ENTPD1: variants seen among roughly 807,000 people sequenced by gnomAD.
ENTPD1 encodes ATP diphosphohydrolase.
Under a neutral mutation model 57.0 loss-of-function variants are expected in ENTPD1, and 33 were observed. The ratio of observed to expected loss-of-function variants is 0.58; its 90% CI spans 0.44 to 0.77. The LOEUF is 0.77. Among genes scored for constraint, ENTPD1 ranks in the 30% least tolerant of loss-of-function variants. The pLI, the probability that ENTPD1 is intolerant of heterozygous loss-of-function variation, is 0.00. For synonymous variants in ENTPD1, 202 were observed against 218.8 expected (o/e 0.92, Z 0.68); for missense variants, 501 against 603.4 (o/e 0.83, Z 1.78).
chr10:95,780,402 C>A (rs6584026), intron 1 of ENTPD1, among the ~76,000 whole-genome samples: 1 of 152,032 alleles, frequency 6.6e-6, no homozygotes, highest in Non-Finnish European at 1.5e-5. Context: ...TGCACACATG[C>A]GTATTGAATG....
At position 95,867,614 on chromosome 10, in the gene ENTPD1, G is replaced by C. The variant is rs2098475901; in HGVS notation, c.*1231G>C. On this transcript the variant is annotated 3_prime_UTR_variant, in exon 10 of 10. Transcript: ENST00000371205. The stretch of plus-strand genomic sequence containing the variant: ...CCGTCACACAACATGGGCTTTGTTT[G>C]CTTATTCCATGAAGCAGCAGCTATA... 1.0e-5 allele frequency: 10 copies of C among 985,304 alleles called. No homozygotes were observed. Among genetic ancestry groups the C allele is most frequent in the Non-Finnish European group, 1.2e-5 (10 of 829,932 alleles). The allele number at this position is 985,304 out of a possible 1,614,324, so 61.0% of individuals were successfully genotyped here.
chr10:95,709,460 T>C (rs2097963848), upstream of ENTPD1, among the ~76,000 whole-genome samples: 1 of 152,096 alleles, frequency 6.6e-6, no homozygotes, highest in South Asian at 2.1e-4. Flanking sequence ...CTCGGCTCAC[T>C]GCAACCTCCA....
At chr10:95,787,185 G>T (rs2098183384) in intron 1 of ENTPD1, among the ~76,000 whole-genome samples, 1 of 152,302 alleles carries the variant, frequency 6.6e-6, no homozygotes, top group South Asian at 2.1e-4. Flanking sequence ...TCCAGGAAAA[G>T]AGTTGAGGGA....
intron 1 of ENTPD1, chr10:95,785,210 A>G (rs1011833844): frequency 6.6e-6 from 1 of 152,158 alleles, no homozygotes; most frequent in African/African-American, 2.4e-5. Context: ...CTTGCATTCA[A>G]GGGCATCTCT....
rs751980010 is a variant in ENTPD1, at chr10:95,823,260, T to C, written c.40T>C (p.Ser14Pro). The C allele has an allele frequency of 2.5e-6, 4 of 1,614,188 alleles. No individual in the cohort carries two copies. Among genetic ancestry groups the C allele is most frequent in the Non-Finnish European group, 3.4e-6 (4 of 1,180,004 alleles). The change falls in exon 2 of 10, where the codon TCC (serine) becomes CCC (proline). Residue 14 changes from serine (S) to proline (P), a missense_variant. Coordinates refer to ENST00000371205, the MANE Select transcript of ENTPD1 (RefSeq NM_001776.6). The stretch of plus-strand genomic sequence containing the variant: ...AGAGTCTAACGTGAAGACATTTTGC[T>C]CCAAGAATATCCTAGCCATCCTTGG... ...TKESNVKTFC[S>P]KNILAILGFS...
rs117779870 is a variant in ENTPD1 at position 95,764,637 on chromosome 10, A to G, written c.16+8382A>G. Among the ~76,000 whole-genome samples the G allele has an allele frequency of 1.6e-3, 244 of 150,750 alleles. 7 individuals are homozygous for G. The East Asian group carries it at 0.043, about 27-fold the overall frequency. On this transcript the variant is annotated intron_variant, in intron 1 of 9. Coordinates refer to ENST00000371205, the MANE Select transcript of ENTPD1 (RefSeq NM_001776.6). ...TTGATTTGTATTTCCCTGATGGCTGATGGTTTTGAAAATCTATTCATGTGT... is the reference window on the plus strand; with the variant it reads ...TTGATTTGTATTTCCCTGATGGCTGGTGGTTTTGAAAATCTATTCATGTGT...
intron 1 of ENTPD1, among the ~76,000 whole-genome samples, chr10:95,719,266 A>C (rs966720875): frequency 1.3e-5 from 2 of 152,174 alleles, no homozygotes; most frequent in African/African-American, 4.8e-5. Flanking sequence ...TGTGACATAT[A>C]AAGAAAAGTC....
intron 9 of ENTPD1, 38 bp downstream of exon 9, chr10:95,864,899 G>C: frequency 6.2e-7 from 1 of 1,608,656 alleles, no homozygotes; most frequent in Non-Finnish European, 8.5e-7. Context: ...GGAGGTTGGG[G>C]TTCGGTGGTA....
intron 1 of ENTPD1, among the ~76,000 whole-genome samples, chr10:95,726,247 T>A (rs913751470): frequency 6.6e-6 from 1 of 152,240 alleles, no homozygotes; most frequent in African/African-American, 2.4e-5. Context: ...TGTTCATAAA[T>A]ATATCATCTA....
At chr10:95,731,892 G>T (rs1041956081) in intron 1 of ENTPD1, among the ~76,000 whole-genome samples, 2 of 145,990 alleles carry the variant, frequency 1.4e-5, no homozygotes. Context: ...AAGCTATTCT[G>T]AAGTCTCAGC....
chr10:95,755,957 G>T (rs2098021505), upstream of ENTPD1: 1 of 1,466,588 alleles, frequency 6.8e-7, no homozygotes, highest in Admixed American at 2.7e-5. Context: ...AATATACATT[G>T]CTTCAAGGAT....
rs1320604446 is a variant in ENTPD1 at position 95,877,250 on chromosome 10, ACTT to A, written c.*10873_*10875del. The stretch of plus-strand genomic sequence containing the variant: ...CTTAAAGCCTAAAACCTCTTAATAA[ACTT>A]CTTCTGAAATATACATTTGTGGGAC... On this transcript the variant is annotated 3_prime_UTR_variant, in exon 10 of 10. Coordinates refer to ENST00000371205, the MANE Select transcript of ENTPD1 (RefSeq NM_001776.6). Among the ~76,000 whole-genome samples the A allele has an allele frequency of 1.6e-4, 25 of 152,286 alleles. 1 individual carries two copies. The highest frequency in any genetic ancestry group is 5.8e-4 in the African/African-American group (24 of 41,558).
intron 2 of ENTPD1, 99 bp from the exon 3 acceptor site, chr10:95,839,592 C>A: frequency 8.4e-7 from 1 of 1,185,296 alleles, no homozygotes; most frequent in Non-Finnish European, 1.3e-6. Context: ...CAAATACTTT[C>A]TCCTCATGTT....
chr10:95,756,146 C>G (rs1292301599), upstream of ENTPD1: 1 of 1,553,348 alleles, frequency 6.4e-7, no homozygotes, highest in African/African-American at 1.4e-5. Flanking sequence ...ATCTCTGTTT[C>G]CTTGAGGACC....
At chr10:95,731,625 CTCTT>C in intron 1 of ENTPD1, among the ~76,000 whole-genome samples, 1 of 152,188 alleles carries the variant, frequency 6.6e-6, no homozygotes, top group South Asian at 2.1e-4. Context: ...ATAAATTTCT[CTCTT>C]TCTGTTCCCC....
At chr10:95,763,053 C>T (rs531706536) in intron 1 of ENTPD1, among the ~76,000 whole-genome samples, 30 of 151,962 alleles carry the variant, frequency 2.0e-4, no homozygotes, top group African/African-American at 7.2e-4. Flanking sequence ...TCAAGTTTTC[C>T]TGCCATACTT....
chr10:95,844,766 T>C (rs1176541129), intron 5 of ENTPD1, 131 bp downstream of exon 5: 4 of 1,163,968 alleles, frequency 3.4e-6, no homozygotes, highest in Non-Finnish European at 5.1e-6. Flanking sequence ...GATGACTGGA[T>C]GAATGAATTT....
At chr10:95,787,603 A>T (rs1389421063) in intron 1 of ENTPD1, among the ~76,000 whole-genome samples, 9 of 152,196 alleles carry the variant, frequency 5.9e-5, no homozygotes, top group African/African-American at 1.7e-4. Context: ...CAGGCTCTGG[A>T]TGAAGTATTT....
chr10:95,744,204 T>G (rs1408803144), intron 1 of ENTPD1, among the ~76,000 whole-genome samples: 1 of 151,972 alleles, frequency 6.6e-6, no homozygotes, highest in East Asian at 1.9e-4. Flanking sequence ...TGACTCCTAT[T>G]GTCTGTCATC....
Sources: gnomAD v4.1 joint callset for allele counts (sites outside exome capture counted in the v4.1 genomes callset) on GRCh38, gnomAD v4.1.1 for gene constraint, MANE v1.5 for transcripts, NCBI Gene and HGNC (gene_info 2026-07-23, HGNC 2026-07-21) for gene names.